The following SCN9A variants were observed in gnomAD, a reference collection of about 807,000 sequenced individuals.
SCN9A encodes the protein sodium voltage-gated channel alpha subunit 9, also known as sodium channel protein type 9 subunit alpha.
SCN9A carries 131 observed loss-of-function variants against 187.0 expected under a neutral mutation model. The observed-to-expected ratio is 0.70, with a 90% CI of 0.61 to 0.81. SCN9A has a LOEUF of 0.81. Ranked by LOEUF, SCN9A falls within the 30% of genes least tolerant of loss-of-function variation. SCN9A has a pLI of 0.00. For missense variants in SCN9A, 2,252 were observed against 2,396.6 expected (o/e 0.94, Z 1.26); for synonymous variants, 809 against 808.6 (o/e 1.00, Z -0.01).
At chr2:166,213,251 G>T (rs1206482877) in intron 24 of SCN9A, among the ~76,000 whole-genome samples, 1 of 151,434 alleles carries the variant, frequency 6.6e-6, no homozygotes, top group Admixed American at 6.6e-5. Flanking sequence ...TAAGAAAAAA[G>T]ATAGAGGACT....
chr2:166,293,310 C>G lies in SCN9A; in HGVS notation c.1028G>C (p.Ser343Thr). 2 of 1,606,560 alleles carry G rather than the reference C, an allele frequency of 1.2e-6. No homozygotes were observed. The highest frequency in any genetic ancestry group is 1.7e-6 in the Non-Finnish European group (2 of 1,176,234). The change falls in exon 9 of 27, where the codon AGC (serine) becomes ACC (threonine). Residue 343 changes from serine (S) to threonine (T), a missense_variant. By Grantham distance (58) the Ser-to-Thr change is moderately conservative. Transcript: ENST00000642356. ...IGRNPDYGYT[S>T]FDTFSWAFLA... The stretch of plus-strand genomic sequence containing the variant: ...GAAGGCCCAGCTGAAAGTGTCAAAG[C>G]TCGTGTAGCCATAATCAGGGTTTCT...
At chr2:166,297,234 TGACTCAGTAATCCCAC>T (rs1445597024) in intron 7 of SCN9A, among the ~76,000 whole-genome samples, 1 of 79,288 alleles carries the variant, frequency 1.3e-5, no homozygotes, top group Non-Finnish European at 2.7e-5. Context: ...AAAAGAACCA[TGACTCAGTAATCCCAC>T]TACTAGGTAT....
intron 5 of SCN9A, among the ~76,000 whole-genome samples, chr2:166,304,780 G>A (rs1052597673): frequency 2.0e-5 from 3 of 152,084 alleles, no homozygotes; most frequent in Admixed American, 1.3e-4. Context: ...GGAAATTGAA[G>A]TGACTGCTAA....
chr2:166,287,885 A>G (rs1193900215), intron 10 of SCN9A, among the ~76,000 whole-genome samples: 2 of 150,946 alleles, frequency 1.3e-5, no homozygotes, highest in Non-Finnish European at 3.0e-5. Context: ...TAACGTTAAA[A>G]TAATTTTCAT....
rs138823585 is a variant in SCN9A at position 166,360,659 on chromosome 2, G to A, written c.-51+15038C>T. ...TTTATTCCATATAATTAGCTCTGCA[G>A]CATTATGCAAATTCCCCATAAATGA... On this transcript the variant is annotated intron_variant, in intron 1 of 26. Coordinates refer to ENST00000642356, the MANE Select transcript of SCN9A (RefSeq NM_001365536.1). Among the ~76,000 whole-genome samples, 215 of 152,268 alleles carry A rather than the reference G, an allele frequency of 1.4e-3. 2 individuals are homozygous for A. The highest frequency in any genetic ancestry group is 4.9e-3 in the African/African-American group (204 of 41,558).
chr2:166,296,791 TG>T (rs1698318930), intron 7 of SCN9A, among the ~76,000 whole-genome samples: 1 of 152,176 alleles, frequency 6.6e-6, no homozygotes, highest in Non-Finnish European at 1.5e-5. Flanking sequence ...TTAAGATGGT[TG>T]GCTTCAAGAA....
At position 166,196,637 on chromosome 2, in the gene SCN9A, G is replaced by A. The variant is rs200781014; in HGVS notation, c.*2035C>T. On this transcript the variant is annotated 3_prime_UTR_variant, in exon 27 of 27. Transcript: ENST00000642356. ...TTAAGGTGATGTTAAATTCTTAATT[G>A]AATGTATTTAAAAATCTGATAAATG... 3 of 152,176 alleles carry A rather than the reference G, an allele frequency of 2.0e-5. No homozygotes were observed. Among genetic ancestry groups the A allele is most frequent in the East Asian group, 1.9e-4 (1 of 5,180 alleles). The allele number at this position is 152,176 out of a possible 1,614,324, so 9.4% of individuals were successfully genotyped here.
chr2:166,247,020 A>C (rs1293721087), intron 18 of SCN9A, among the ~76,000 whole-genome samples: 1 of 152,014 alleles, frequency 6.6e-6, no homozygotes. Flanking sequence ...GAATGTAAAC[A>C]TAACAGAGAA....
intron 1 of SCN9A, among the ~76,000 whole-genome samples, chr2:166,322,974 G>A (rs150446261): frequency 4.6e-5 from 7 of 152,278 alleles, no homozygotes; most frequent in Non-Finnish European, 8.8e-5. Flanking sequence ...TAGAATGACT[G>A]TTGATTGCTC....
In SCN9A at chr2:166,283,620, T is replaced by C. The variant is rs551397889; in HGVS notation, c.1974+833A>G. On this transcript the variant is annotated intron_variant, in intron 12 of 26. Transcript: ENST00000642356. ...GTAGACCTTTGGAACTGCTGTAAAA[T>C]GATTGTTTTGCTTTTATGTTTGTTT... 7.9e-5 allele frequency among the ~76,000 whole-genome samples: 12 copies of C among 152,314 alleles called. No homozygotes were observed. In the South Asian group the frequency reaches 2.5e-3, roughly 32 times the overall value.
chr2:166,234,263 G>T (rs1010174694), intron 20 of SCN9A, among the ~76,000 whole-genome samples: 13 of 152,090 alleles, frequency 8.5e-5, no homozygotes, highest in Admixed American at 1.3e-4. Flanking sequence ...CTTAGATCTG[G>T]ATCTATAAAT....
rs199824489 is a variant in SCN9A at position 166,307,039 on chromosome 2, G to T, written c.294C>A (p.Phe98Leu). ...FIVLNKGKTIFRFNATPALYM... is the reference protein window; with the variant it reads ...FIVLNKGKTILRFNATPALYM... ...ATAAAGCAGGTGTGGCATTGAAACG[G>T]AAGATTGTTTTCCCTTTGTTCAATA... Residue 98 changes from phenylalanine to leucine, a missense_variant, in exon 3 of 27, where the codon TTC (phenylalanine) becomes TTA (leucine). Transcript: ENST00000642356. The T allele has an allele frequency of 4.2e-5, 68 of 1,611,232 alleles. No individual in the cohort carries two copies. The highest frequency in any genetic ancestry group is 5.6e-5 in the Non-Finnish European group (66 of 1,177,790).
At chr2:166,350,955 T>C (rs1033055804) in intron 1 of SCN9A, among the ~76,000 whole-genome samples, 1 of 152,194 alleles carries the variant, frequency 6.6e-6, no homozygotes, top group Non-Finnish European at 1.5e-5. Context: ...TTTTTTATAA[T>C]ATTTTTAAAA....
rs757196334 is a variant in SCN9A at position 166,303,107 on chromosome 2, C to G, written c.884G>C (p.Ser295Thr). ...ATTCTTACTTCTAAAGTCTTCTTCA[C>G]TCTCTAGGGTATTCATTATGCTTTC... ...TLESIMNTLE[S>T]EEDFRKYFYY... Residue 295 changes from serine to threonine, a missense_variant, in exon 7 of 27, where the codon AGT (serine) becomes ACT (threonine). Ser to Thr is a moderately conservative substitution (Grantham distance 58). Transcript: ENST00000642356. The G allele has an allele frequency of 6.2e-7, 1 of 1,601,742 alleles. No individual in the cohort carries two copies. Among genetic ancestry groups the G allele is most frequent in the Non-Finnish European group, 8.5e-7 (1 of 1,172,084 alleles).
chr2:166,316,223 T>A (rs1699105081), intron 1 of SCN9A, among the ~76,000 whole-genome samples: 1 of 152,154 alleles, frequency 6.6e-6, no homozygotes, highest in African/African-American at 2.4e-5. Flanking sequence ...TACAAATGGT[T>A]AATAAACACT....
At chr2:166,290,925 A>T (rs1698038349) in intron 9 of SCN9A, among the ~76,000 whole-genome samples, 1 of 152,170 alleles carries the variant, frequency 6.6e-6, no homozygotes, top group African/African-American at 2.4e-5. Context: ...TTGATGGAAC[A>T]TATCTCAAAA....
At chr2:166,258,699 A>T (rs1696381485) in intron 17 of SCN9A, among the ~76,000 whole-genome samples, 1 of 151,728 alleles carries the variant, frequency 6.6e-6, no homozygotes, top group Admixed American at 6.6e-5. Context: ...CCATAAATAC[A>T]TAACCAGAAT....
At chr2:166,329,792 G>A (rs1699455101) in intron 1 of SCN9A, among the ~76,000 whole-genome samples, 1 of 152,098 alleles carries the variant, frequency 6.6e-6, no homozygotes, top group Admixed American at 6.6e-5. Flanking sequence ...AAAGATTTTG[G>A]TCAGGGAAGG....
At chr2:166,360,219 C>CAAAAAA (rs1251018524) in intron 1 of SCN9A, among the ~76,000 whole-genome samples, 7 of 24,020 alleles carry the variant, frequency 2.9e-4, no homozygotes, top group Non-Finnish European at 3.8e-4. Context: ...AACTCTGTCT[C>CAAAAAA]AAAAAAAAAA....
Sources: gnomAD v4.1 joint callset for allele counts (sites outside exome capture counted in the v4.1 genomes callset) on GRCh38, gnomAD v4.1.1 for gene constraint, MANE v1.5 for transcripts, NCBI Gene and HGNC (gene_info 2026-07-23, HGNC 2026-07-21) for gene names.